COL21A1: variants seen among roughly 807,000 people sequenced by gnomAD.
COL21A1 encodes collagen alpha-1(XXI) chain.
A neutral mutation model predicts 137.9 loss-of-function variants in COL21A1; 149 were observed. The ratio of observed to expected loss-of-function variants is 1.08; its 90% CI spans 0.95 to 1.24. The LOEUF is 1.24. Among genes scored for constraint, COL21A1 ranks in the 50% most tolerant of loss-of-function variants. The pLI is 0.00. For synonymous variants in COL21A1, 456 were observed against 391.5 expected, an observed-to-expected ratio of 1.16 and a Z score of -1.95; for missense variants, 1,167 against 1,158.4, an observed-to-expected ratio of 1.01 and a Z score of -0.11.
At position 56,067,265 on chromosome 6, in the gene COL21A1, C is replaced by T. The variant is rs1301499812; in HGVS notation, c.2127+30G>A. On this transcript the variant is annotated intron_variant, in intron 23 of 29. Transcript: ENST00000244728. Reference sequence around the variant, plus strand: ...TTTTAAAAGCTCTGATTTTATTGCTCAGCCTACTAAAAAAAAGCAAACAAC... The same window carrying T: ...TTTTAAAAGCTCTGATTTTATTGCTTAGCCTACTAAAAAAAAGCAAACAAC... 4.4e-6 allele frequency: 7 copies of T among 1,578,992 alleles called. No homozygotes were observed. In the East Asian group the frequency reaches 6.8e-5, roughly 15 times the overall value.
At chr6:56,181,924 A>G (rs1777927868) in intron 2 of COL21A1, among the ~76,000 whole-genome samples, 1 of 152,194 alleles carries the variant, frequency 6.6e-6, no homozygotes, top group Admixed American at 6.5e-5. Flanking sequence ...ATATTATTGT[A>G]TTAATAAATT....
chr6:56,069,782 T>G (rs1766587331), intron 21 of COL21A1, among the ~76,000 whole-genome samples: 1 of 151,092 alleles, frequency 6.6e-6, no homozygotes, highest in African/African-American at 2.4e-5. Context: ...GTATTTTATT[T>G]AATAAAATTC....
At chr6:56,172,020 T>C (rs928548748) in intron 3 of COL21A1, among the ~76,000 whole-genome samples, 7 of 150,188 alleles carry the variant, frequency 4.7e-5, no homozygotes, top group African/African-American at 1.7e-4. Flanking sequence ...GCCTAAGAGA[T>C]TTAAGCAACA....
chr6:56,268,044 G>A (rs1288668695), intron 1 of COL21A1, among the ~76,000 whole-genome samples: 1 of 152,152 alleles, frequency 6.6e-6, no homozygotes, highest in African/African-American at 2.4e-5. Context: ...GGGTCTGGAA[G>A]ATGGAACCAG....
intron 1 of COL21A1, among the ~76,000 whole-genome samples, chr6:56,344,122 T>C (rs1227231497): frequency 6.6e-6 from 1 of 152,186 alleles, no homozygotes. Context: ...AATGCATTCC[T>C]AGATAGCACA....
chr6:56,253,358 C>T (rs976362551), intron 1 of COL21A1, among the ~76,000 whole-genome samples: 2 of 152,106 alleles, frequency 1.3e-5, no homozygotes, highest in Admixed American at 6.6e-5. Context: ...ACAAATGAAC[C>T]TTTGACCCAA....
At chr6:56,200,812 T>C (rs2152297710) in intron 1 of COL21A1, among the ~76,000 whole-genome samples, 1 of 152,262 alleles carries the variant, frequency 6.6e-6, no homozygotes, top group African/African-American at 2.4e-5. Context: ...CCTTTGGGTA[T>C]ATACCCAGTA....
intron 1 of COL21A1, among the ~76,000 whole-genome samples, chr6:56,239,166 G>A (rs1024703503): frequency 5.9e-5 from 9 of 152,128 alleles, no homozygotes; most frequent in Admixed American, 5.9e-4. Flanking sequence ...AATATTTTCT[G>A]CTTTTTAGAA....
chr6:56,374,202 A>G (rs982029498), intron 1 of COL21A1, among the ~76,000 whole-genome samples: 16 of 152,228 alleles, frequency 1.1e-4, no homozygotes, highest in Admixed American at 3.3e-4. Context: ...AGCTCATGGA[A>G]GACCACCTTA....
At chr6:56,076,397 A>T (rs1034645500) in intron 18 of COL21A1, among the ~76,000 whole-genome samples, 6 of 151,516 alleles carry the variant, frequency 4.0e-5, no homozygotes, top group Non-Finnish European at 7.4e-5. Context: ...AATGAGAATA[A>T]TAAGTAATAA....
At chr6:56,141,764 T>C (rs1452096356) in intron 12 of COL21A1, 21 bp downstream of exon 12, 4 of 1,612,496 alleles carry the variant, frequency 2.5e-6, no homozygotes, top group South Asian at 1.1e-5. Context: ...CACCATTGAT[T>C]GCATTTTTGT....
intron 17 of COL21A1, among the ~76,000 whole-genome samples, chr6:56,095,050 T>G (rs12211223): frequency 2.0e-5 from 3 of 152,030 alleles, no homozygotes; most frequent in Non-Finnish European, 4.4e-5. Context: ...CTACCACTAG[T>G]ATTTACAGAA....
chr6:56,179,478 A>G (rs1478677232), intron 3 of COL21A1, 100 bp downstream of exon 3: 21 of 765,906 alleles, frequency 2.7e-5, no homozygotes, highest in Admixed American at 1.2e-4. Flanking sequence ...GACATTAAAT[A>G]TAACAATTTA....
chr6:56,314,829 G>A (rs916796403), intron 1 of COL21A1, among the ~76,000 whole-genome samples: 1 of 152,206 alleles, frequency 6.6e-6, no homozygotes, highest in East Asian at 1.9e-4. Flanking sequence ...TTGTAATTTT[G>A]AATTAGCGGA....
intron 19 of COL21A1, 149 bp downstream of exon 19, chr6:56,075,330 T>C (rs1391824886): frequency 3.2e-6 from 2 of 628,376 alleles, no homozygotes; most frequent in Non-Finnish European, 5.4e-6. Context: ...AGACATAATA[T>C]GTTTCATACA....
At chr6:56,222,246 C>T (rs1214707191) in intron 1 of COL21A1, among the ~76,000 whole-genome samples, 1 of 151,910 alleles carries the variant, frequency 6.6e-6, no homozygotes, top group Non-Finnish European at 1.5e-5. Flanking sequence ...GCACTCTAGC[C>T]TTGGCAACAA....
intron 1 of COL21A1, among the ~76,000 whole-genome samples, chr6:56,215,980 A>G (rs1780457208): frequency 6.6e-6 from 1 of 152,108 alleles, no homozygotes; most frequent in Non-Finnish European, 1.5e-5. Flanking sequence ...GGCAGAGTTT[A>G]AAGCCAATAA....
chr6:56,273,915 A>G (rs1263118785), intron 1 of COL21A1, among the ~76,000 whole-genome samples: 1 of 152,174 alleles, frequency 6.6e-6, no homozygotes, highest in Non-Finnish European at 1.5e-5. Context: ...AATTTGACAG[A>G]GACACAATGA....
intron 1 of COL21A1, among the ~76,000 whole-genome samples, chr6:56,200,165 A>T (rs1047101305): frequency 1.3e-5 from 2 of 152,176 alleles, no homozygotes; most frequent in Non-Finnish European, 2.9e-5. Context: ...TGAGTCATGC[A>T]TGTGGGAGCA....
Sources: allele counts gnomAD v4.1 joint callset (sites outside exome capture counted in the v4.1 genomes callset), GRCh38; gene constraint gnomAD v4.1.1; transcripts MANE v1.5; gene names NCBI Gene and HGNC (gene_info 2026-07-23, HGNC 2026-07-21).